Variants in CEPT1 observed in about 807,000 individuals in gnomAD.
CEPT1 encodes the protein choline/ethanolamine phosphotransferase 1, also known as choline/ethanolaminephosphotransferase 1.
In CEPT1, 7 loss-of-function variants were observed where a neutral mutation model predicts 42.6. That is an observed-to-expected ratio of 0.16 (90% CI 0.09 to 0.31). The LOEUF (loss-of-function observed/expected upper bound fraction) is 0.31. Ranked by LOEUF, CEPT1 falls within the 10% of genes least tolerant of loss-of-function variation. The probability of loss-of-function intolerance (pLI) is 1.00; values close to 1 mark genes in which losing one functional copy is unlikely to be tolerated. For synonymous variants in CEPT1, 171 were observed against 171.9 expected, an observed-to-expected ratio of 0.99 and a Z score of 0.04; for missense variants, 306 against 502.1, an observed-to-expected ratio of 0.61 and a Z score of 3.73.
chr1:111,158,650 AT>A (rs1655699138), intron 2 of CEPT1, among the ~76,000 whole-genome samples: 1 of 152,184 alleles, frequency 6.6e-6, no homozygotes, highest in Admixed American at 6.5e-5. Context: ...AAAGAAATCC[AT>A]TTAACATTGT....
At chr1:111,156,018 T>C (rs1205744045) in intron 2 of CEPT1, among the ~76,000 whole-genome samples, 1 of 152,198 alleles carries the variant, frequency 6.6e-6, no homozygotes, top group Non-Finnish European at 1.5e-5. Context: ...TCTTTCTACT[T>C]TTCAGATGTG....
At chr1:111,150,378 A>C (rs3790716) in intron 2 of CEPT1, among the ~76,000 whole-genome samples, 1 of 152,224 alleles carries the variant, frequency 6.6e-6, no homozygotes, top group Non-Finnish European at 1.5e-5. Context: ...TATATAATCT[A>C]TTCTTCCACA....
intron 2 of CEPT1, among the ~76,000 whole-genome samples, chr1:111,155,548 GTTTT>G (rs1053925818): frequency 6.6e-6 from 1 of 150,412 alleles, no homozygotes; most frequent in Non-Finnish European, 1.5e-5. Context: ...TTTTTTGGGG[GTTTT>G]TTTTGAGATG....
Position 111,182,800 on chromosome 1 carries a change from G to T in CEPT1, c.848G>T (p.Gly283Val). ...GVGKNGSTIA[G>V]TSVLSPFLHI... ...AACTCTTCTCTTCACTCTGTACAGGGAACAAGTGTCCTTTCTCCTTTTCTC... is the reference window on the plus strand; with the variant it reads ...AACTCTTCTCTTCACTCTGTACAGGTAACAAGTGTCCTTTCTCCTTTTCTC... Residue 283 changes from glycine (G) to valine (V), a missense_variant and splice_region_variant, in exon 7 of 9, where the codon GGA becomes GTA. Around this residue, in one of 2 missense-constraint regions of CEPT1, gnomAD observed 253 missense variants for 447.3 expected, o/e 0.57. Coordinates refer to ENST00000357172, the MANE Select transcript of CEPT1 (RefSeq NM_006090.5). The T allele has an allele frequency of 6.2e-7, 1 of 1,611,536 alleles. No individual in the cohort carries two copies.
rs866188479 is a variant in CEPT1 at position 111,158,953 on chromosome 1, G to A, written c.340-427G>A. On this transcript the variant is annotated intron_variant, in intron 2 of 8. Coordinates refer to ENST00000357172, the MANE Select transcript of CEPT1 (RefSeq NM_006090.5). Reference sequence around the variant, plus strand: ...TTTTGAGACGGAGTCTCGCTCTGTCGCCCAGGCTGGAGTGCAGTGGCGCAA... The same window carrying A: ...TTTTGAGACGGAGTCTCGCTCTGTCACCCAGGCTGGAGTGCAGTGGCGCAA... 9.0e-5 allele frequency among the ~76,000 whole-genome samples: 10 copies of A among 110,826 alleles called. No individual in the cohort carries two copies. The South Asian group carries it at 1.2e-3, about 13-fold the overall frequency. The allele number at this position is 110,826 out of a possible 152,430, so 72.7% of individuals were successfully genotyped here.
chr1:111,179,396 TAA>T (rs1656859995), intron 5 of CEPT1: 1 of 152,180 alleles, frequency 6.6e-6, no homozygotes, highest in Non-Finnish European at 1.5e-5. Context: ...AGACCTGACA[TAA>T]AGATGTCTTT....
chr1:111,166,021 T>C (rs978678919), intron 4 of CEPT1, among the ~76,000 whole-genome samples: 7 of 152,232 alleles, frequency 4.6e-5, no homozygotes, highest in African/African-American at 1.7e-4. Context: ...TCTATTTATC[T>C]TTAAATGTCT....
intron 4 of CEPT1, among the ~76,000 whole-genome samples, chr1:111,165,601 T>A (rs544189778): frequency 2.6e-4 from 39 of 152,346 alleles, no homozygotes; most frequent in African/African-American, 9.4e-4. Flanking sequence ...TCTATAAGGT[T>A]CTTTCTGTTT....
chr1:111,141,791 G>A (rs1251428384), intron 1 of CEPT1, among the ~76,000 whole-genome samples: 1 of 152,084 alleles, frequency 6.6e-6, no homozygotes, highest in African/African-American at 2.4e-5. Context: ...ACTTAATCCT[G>A]TGATCCTATT....
intron 4 of CEPT1, among the ~76,000 whole-genome samples, chr1:111,168,762 T>C (rs1289826134): frequency 6.6e-6 from 1 of 152,240 alleles, no homozygotes; most frequent in Non-Finnish European, 1.5e-5. Flanking sequence ...CTGAAAAGTA[T>C]ATTTCAGTGT....
chr1:111,170,653 C>T (rs1557936901), intron 4 of CEPT1, among the ~76,000 whole-genome samples: 1 of 152,124 alleles, frequency 6.6e-6, no homozygotes, highest in Non-Finnish European at 1.5e-5. Flanking sequence ...CTGGTAGAAT[C>T]TATAATGAAT....
At chr1:111,179,330 C>A (rs1306668173) in intron 5 of CEPT1, 2 of 152,114 alleles carry the variant, frequency 1.3e-5, no homozygotes, top group Admixed American at 1.3e-4. Flanking sequence ...GGACAGACAC[C>A]ATGGTCCAAA....
intron 1 of CEPT1, among the ~76,000 whole-genome samples, chr1:111,146,494 C>T (rs1403128814): frequency 6.6e-6 from 1 of 152,094 alleles, no homozygotes; most frequent in Non-Finnish European, 1.5e-5. Flanking sequence ...TTCTTAAGTA[C>T]TTTCTGCTGA....
rs113433225 is a variant in CEPT1 at position 111,158,039 on chromosome 1, A to G, written c.340-1341A>G. ...CAAATAAGACCTCTTCTTTTTGAATATACATTTAAATTCAATACCAGGCTG... is the reference window on the plus strand; with the variant it reads ...CAAATAAGACCTCTTCTTTTTGAATGTACATTTAAATTCAATACCAGGCTG... On this transcript the variant is annotated intron_variant, in intron 2 of 8. Coordinates refer to ENST00000357172, the MANE Select transcript of CEPT1 (RefSeq NM_006090.5). 7.0e-3 allele frequency among the ~76,000 whole-genome samples: 1,061 copies of G among 152,312 alleles called. 13 individuals are homozygous for G. The highest frequency in any genetic ancestry group is 0.021 in the African/African-American group (885 of 41,578).
Position 111,183,563 on chromosome 1 carries a change from A to G in CEPT1, c.1107A>G (p.Glu369=). The change falls in exon 8 of 9, where the codon GAA becomes GAG. Residue 369 remains glutamate (E), a synonymous_variant. Transcript: ENST00000357172. The part of the protein sequence containing the change: ...LDQYFNSFID[E]YIVLWIALVF... Reference sequence around the variant, plus strand: ...AGTATTTTAACAGCTTTATTGATGAATATATTGTACTTTGGATTGCCCTGG... The same window carrying G: ...AGTATTTTAACAGCTTTATTGATGAGTATATTGTACTTTGGATTGCCCTGG... 1 of 1,612,960 alleles carries G rather than the reference A, an allele frequency of 6.2e-7. No homozygotes were observed. Among genetic ancestry groups the G allele is most frequent in the South Asian group, 1.1e-5 (1 of 91,056 alleles).
intron 2 of CEPT1, among the ~76,000 whole-genome samples, chr1:111,153,696 A>G (rs530211374): frequency 2.0e-5 from 3 of 152,034 alleles, no homozygotes; most frequent in East Asian, 1.9e-4. Context: ...TGGATATTCA[A>G]TTTTCCTAGC....
At chr1:111,145,960 T>G (rs1198953126) in intron 1 of CEPT1, among the ~76,000 whole-genome samples, 1 of 152,226 alleles carries the variant, frequency 6.6e-6, no homozygotes, top group Non-Finnish European at 1.5e-5. Flanking sequence ...AGATCTATTG[T>G]CGAGATGTCC....
At chr1:111,149,649 C>T (rs894792391) in intron 2 of CEPT1, among the ~76,000 whole-genome samples, 1 of 152,214 alleles carries the variant, frequency 6.6e-6, no homozygotes, top group African/African-American at 2.4e-5. Context: ...TCCTTGGATT[C>T]TTTATCACAT....
chr1:111,147,597 G>A (rs1655041044), intron 1 of CEPT1, 45 bp from the exon 2 acceptor site: 3 of 662,030 alleles, frequency 4.5e-6, no homozygotes, highest in Non-Finnish European at 7.3e-6. Flanking sequence ...GTAAATAGTG[G>A]CCAACAAGTG....
Sources: allele counts gnomAD v4.1 joint callset (sites outside exome capture counted in the v4.1 genomes callset), GRCh38; gene constraint gnomAD v4.1.1; regional missense constraint gnomAD v4.1.1; transcripts MANE v1.5; gene names NCBI Gene and HGNC (gene_info 2026-07-23, HGNC 2026-07-21).